Variants in FBXW7 observed in about 807,000 individuals in gnomAD.
FBXW7 encodes the protein F-box and WD repeat domain containing 7.
Under a neutral mutation model 86.3 loss-of-function variants are expected in FBXW7, and 11 were observed. The observed-to-expected ratio is 0.13, with a 90% CI of 0.08 to 0.21. The LOEUF (loss-of-function observed/expected upper bound fraction) is 0.21, where lower values mean the gene tolerates loss of function less well. Among genes scored for constraint, FBXW7 ranks in the 10% least tolerant of loss-of-function variants. FBXW7 has a pLI of 1.00. For missense variants in FBXW7, 488 were observed against 847.4 expected, an observed-to-expected ratio of 0.58 and a Z score of 5.27; for synonymous variants, 313 against 297.9, an observed-to-expected ratio of 1.05 and a Z score of -0.52.
chr4:152,458,784 C>CT (rs1358213366), intron 2 of FBXW7, among the ~76,000 whole-genome samples: 2 of 152,040 alleles, frequency 1.3e-5, no homozygotes, highest in East Asian at 3.9e-4. Flanking sequence ...AGTATGGACA[C>CT]AAGAAACCAG....
intron 2 of FBXW7, among the ~76,000 whole-genome samples, chr4:152,527,199 G>C (rs1403906385): frequency 6.6e-6 from 1 of 152,158 alleles, no homozygotes; most frequent in Non-Finnish European, 1.5e-5. Flanking sequence ...AAATTAAAAG[G>C]ATAATAAATA....
Position 152,535,525 on chromosome 4 carries a change from G to A in FBXW7, c.-611C>T, listed in dbSNP as rs1750459300. On this transcript the variant is annotated 5_prime_UTR_variant, in exon 1 of 14. Coordinates refer to ENST00000281708, the MANE Select transcript of FBXW7 (RefSeq NM_001349798.2). ...GGGGTGGTTGCCGAGCTTGGTTGGG[G>A]CCCCGGTTCATACACTCCGGGGCAA... The A allele has an allele frequency of 1.0e-5, 4 of 396,032 alleles. No individual in the cohort carries two copies. The highest frequency in any genetic ancestry group is 4.4e-5 in the Admixed American group (1 of 22,644). The allele number at this position is 396,032 out of a possible 1,614,324, so 24.5% of individuals were successfully genotyped here.
intron 2 of FBXW7, among the ~76,000 whole-genome samples, chr4:152,427,782 T>C (rs940336740): frequency 6.6e-6 from 1 of 152,252 alleles, no homozygotes; most frequent in Non-Finnish European, 1.5e-5. Context: ...TAACAAACTT[T>C]TAAAACATAA....
chr4:152,505,452 T>C (rs959475492), intron 2 of FBXW7, among the ~76,000 whole-genome samples: 15 of 152,210 alleles, frequency 9.9e-5, no homozygotes, highest in Middle Eastern at 3.2e-3. Context: ...TTAAAACACA[T>C]AGTAAAGCTA....
intron 2 of FBXW7, among the ~76,000 whole-genome samples, chr4:152,427,877 AT>A (rs1739527179): frequency 6.6e-6 from 1 of 152,220 alleles, no homozygotes; most frequent in South Asian, 2.1e-4. Flanking sequence ...CAAAAAAGCC[AT>A]TAACTTCTTA....
chr4:152,422,648 C>T (rs1739045720), intron 2 of FBXW7, among the ~76,000 whole-genome samples: 1 of 152,084 alleles, frequency 6.6e-6, no homozygotes, highest in Non-Finnish European at 1.5e-5. Context: ...GAAAACTATA[C>T]AAAAACTTTA....
At chr4:152,334,917 A>G (rs1729920349) in intron 7 of FBXW7, among the ~76,000 whole-genome samples, 1 of 152,194 alleles carries the variant, frequency 6.6e-6, no homozygotes, top group Non-Finnish European at 1.5e-5. Flanking sequence ...AAGCAAAACA[A>G]AAAAATATGA....
chr4:152,375,398 A>G (rs535174068), intron 4 of FBXW7, among the ~76,000 whole-genome samples: 37 of 152,276 alleles, frequency 2.4e-4, no homozygotes, highest in African/African-American at 8.4e-4. Context: ...CAAATCATAC[A>G]TGTGGGTCAT....
chr4:152,520,603 AG>A (rs1748926220), intron 2 of FBXW7, among the ~76,000 whole-genome samples: 1 of 152,110 alleles, frequency 6.6e-6, no homozygotes, highest in Admixed American at 6.5e-5. Context: ...AAATGTGCAA[AG>A]GGGACCAGTC....
chr4:152,361,999 CAGAAA>C (rs1733004680), intron 4 of FBXW7, among the ~76,000 whole-genome samples: 1 of 139,554 alleles, frequency 7.2e-6, no homozygotes, highest in Non-Finnish European at 1.6e-5. Flanking sequence ...CAGAACAGAA[CAGAAA>C]AAAGAAAAGA....
intron 4 of FBXW7, among the ~76,000 whole-genome samples, chr4:152,369,726 C>T (rs972091090): frequency 3.9e-5 from 6 of 151,936 alleles, no homozygotes; most frequent in Admixed American, 1.3e-4. Flanking sequence ...AAGGATGACA[C>T]AGAGTAAGGG....
intron 8 of FBXW7, among the ~76,000 whole-genome samples, chr4:152,331,904 A>T (rs1729597236): frequency 6.6e-6 from 1 of 152,008 alleles, no homozygotes; most frequent in South Asian, 2.1e-4. Context: ...AGCACCCTGG[A>T]TCTTTACCTC....
intron 2 of FBXW7, among the ~76,000 whole-genome samples, chr4:152,459,807 T>C (rs1050726345): frequency 6.6e-6 from 1 of 152,236 alleles, no homozygotes; most frequent in Non-Finnish European, 1.5e-5. Flanking sequence ...GTTATATGAA[T>C]GTGGTCTCTC....
At chr4:152,392,796 G>A (rs1054263669) in intron 4 of FBXW7, among the ~76,000 whole-genome samples, 3 of 152,076 alleles carry the variant, frequency 2.0e-5, no homozygotes, top group East Asian at 1.9e-4. Flanking sequence ...AAATGAAAAC[G>A]TTAAGTGATC....
intron 4 of FBXW7, among the ~76,000 whole-genome samples, chr4:152,362,955 G>A (rs916928577): frequency 2.6e-5 from 4 of 151,624 alleles, no homozygotes; most frequent in African/African-American, 9.7e-5. Context: ...TATTTTCCAA[G>A]ATATTTTTAG....
chr4:152,485,786 G>C (rs912840810), intron 2 of FBXW7, among the ~76,000 whole-genome samples: 1 of 152,144 alleles, frequency 6.6e-6, no homozygotes, highest in Non-Finnish European at 1.5e-5. Flanking sequence ...GCAAACTGGT[G>C]CTATAAAAAT....
In FBXW7 at chr4:152,322,666, G is replaced by C; in HGVS notation, c.*215C>G. ...AAAAGTGAAGCCTTTTATGTGATGA[G>C]ACAGCAGACGCCTCTCTTGTCAGTT... On this transcript the variant is annotated 3_prime_UTR_variant, in exon 14 of 14. Transcript: ENST00000281708. 1 of 728,338 alleles carries C rather than the reference G, an allele frequency of 1.4e-6. No homozygotes were observed. Among genetic ancestry groups the C allele is most frequent in the Admixed American group, 3.4e-5 (1 of 29,796 alleles). The allele number at this position is 728,338 out of a possible 1,614,324, so 45.1% of individuals were successfully genotyped here.
chr4:152,402,111 T>C (rs1736991973), intron 4 of FBXW7, among the ~76,000 whole-genome samples: 1 of 152,144 alleles, frequency 6.6e-6, no homozygotes, highest in African/African-American at 2.4e-5. Context: ...ACAAGTCAAC[T>C]GTTCAAACAG....
At chr4:152,352,834 T>C (rs1731975412) in intron 4 of FBXW7, 1 of 1,530,488 alleles carries the variant, frequency 6.5e-7, no homozygotes, top group Non-Finnish European at 8.7e-7. Flanking sequence ...ACTGAACAGA[T>C]TCCTCCCTCA....
Sources: allele counts gnomAD v4.1 joint callset (sites outside exome capture counted in the v4.1 genomes callset), GRCh38; gene constraint gnomAD v4.1.1; transcripts MANE v1.5; gene names NCBI Gene and HGNC (gene_info 2026-07-23, HGNC 2026-07-21).